Variants in PTPRK observed in about 807,000 individuals in gnomAD.
PTPRK encodes protein tyrosine phosphatase receptor type K.
Under a neutral mutation model 178.0 loss-of-function variants are expected in PTPRK, and 75 were observed. That is an observed-to-expected ratio of 0.42 (90% CI 0.35 to 0.51). The LOEUF (loss-of-function observed/expected upper bound fraction) is 0.51, where lower values mean the gene tolerates loss of function less well. PTPRK is among the 20% of genes least tolerant of loss of function. The pLI is 0.02. For missense variants in PTPRK, 1,441 were observed against 1,797.8 expected, an observed-to-expected ratio of 0.80 and a Z score of 3.59; for synonymous variants, 637 against 620.6, an observed-to-expected ratio of 1.03 and a Z score of -0.39.
intron 8 of PTPRK, among the ~76,000 whole-genome samples, chr6:128,084,540 C>T (rs536447419): frequency 3.8e-4 from 58 of 152,252 alleles, no homozygotes; most frequent in Admixed American, 2.6e-3. Context: ...ACGATCTGCA[C>T]AACTACTTTG....
chr6:128,193,426 C>A (rs139847249), intron 6 of PTPRK, among the ~76,000 whole-genome samples: 2 of 151,358 alleles, frequency 1.3e-5, no homozygotes, highest in East Asian at 1.9e-4. Context: ...AAAACTAATT[C>A]GAATACACAA....
intron 2 of PTPRK, among the ~76,000 whole-genome samples, chr6:128,348,355 ATCCACCATCTCTAGT>A (rs1832690355): frequency 3.9e-5 from 6 of 151,994 alleles, no homozygotes; most frequent in Admixed American, 3.9e-4. Flanking sequence ...TGAACTCAGT[ATCCACCATCTCTAGT>A]CCAATAAAAA....
intron 2 of PTPRK, among the ~76,000 whole-genome samples, chr6:128,391,469 G>A (rs184714984): frequency 1.3e-5 from 2 of 152,232 alleles, no homozygotes; most frequent in African/African-American, 2.4e-5. Context: ...AATATTGCAA[G>A]CTAATATTCA....
chr6:128,392,284 C>T (rs939561180), intron 2 of PTPRK, among the ~76,000 whole-genome samples: 1 of 152,072 alleles, frequency 6.6e-6, no homozygotes, highest in Non-Finnish European at 1.5e-5. Context: ...ACTATATATA[C>T]AGTGTGTGCA....
chr6:128,008,181 G>T, intron 14 of PTPRK: 1 of 634,422 alleles, frequency 1.6e-6, no homozygotes, highest in South Asian at 1.7e-5. Context: ...TAATGTTAAT[G>T]CTTTATTTCA....
intron 2 of PTPRK, among the ~76,000 whole-genome samples, chr6:128,326,929 A>G (rs532448370): frequency 6.6e-6 from 1 of 152,114 alleles, no homozygotes; most frequent in Non-Finnish European, 1.5e-5. Flanking sequence ...CGTGTTTTTT[A>G]AATCTTTTAA....
At chr6:128,495,231 G>A (rs2128433090) in intron 1 of PTPRK, among the ~76,000 whole-genome samples, 1 of 152,228 alleles carries the variant, frequency 6.6e-6, no homozygotes, top group Admixed American at 6.5e-5. Flanking sequence ...AATATAGAAA[G>A]GTGCCTGGGG....
chr6:128,461,932 C>T (rs1032576904), intron 1 of PTPRK, among the ~76,000 whole-genome samples: 2 of 152,206 alleles, frequency 1.3e-5, no homozygotes, highest in Non-Finnish European at 2.9e-5. Flanking sequence ...AATATTACAT[C>T]TAACATTTTC....
intron 25 of PTPRK, among the ~76,000 whole-genome samples, chr6:127,980,224 C>T (rs1483191350): frequency 2.6e-5 from 4 of 152,170 alleles, no homozygotes; most frequent in East Asian, 1.9e-4. Flanking sequence ...GCAGGAGAAT[C>T]GCTTGAACCT....
At chr6:128,325,588 A>G (rs1427722210) in intron 2 of PTPRK, among the ~76,000 whole-genome samples, 1 of 152,234 alleles carries the variant, frequency 6.6e-6, no homozygotes, top group Non-Finnish European at 1.5e-5. Context: ...ATCACTGGTC[A>G]TTAGAGAAAT....
intron 2 of PTPRK, among the ~76,000 whole-genome samples, chr6:128,341,537 A>AT (rs1334572674): frequency 2.6e-5 from 4 of 152,186 alleles, no homozygotes; most frequent in Non-Finnish European, 5.9e-5. Context: ...CATAATTTTA[A>AT]TTTTTCTGAA....
At chr6:128,055,830 G>T (rs555585499) in intron 13 of PTPRK, among the ~76,000 whole-genome samples, 4 of 152,138 alleles carry the variant, frequency 2.6e-5, no homozygotes, top group Admixed American at 2.6e-4. Flanking sequence ...TCAAACTCCT[G>T]GCTTGAAGGG....
chr6:128,184,953 A>T (rs1802517600), intron 6 of PTPRK, among the ~76,000 whole-genome samples: 2 of 151,964 alleles, frequency 1.3e-5, no homozygotes, highest in Admixed American at 6.6e-5. Flanking sequence ...TTAAAAACAC[A>T]TTTTTTTTCA....
At chr6:127,977,961 C>T (rs1413483684) in intron 25 of PTPRK, among the ~76,000 whole-genome samples, 7 of 152,138 alleles carry the variant, frequency 4.6e-5, no homozygotes, top group African/African-American at 1.7e-4. Flanking sequence ...GATCTTGTAA[C>T]TCATTTGTAT....
At chr6:128,297,584 C>T (rs1017160955) in intron 3 of PTPRK, among the ~76,000 whole-genome samples, 19 of 152,206 alleles carry the variant, frequency 1.2e-4, no homozygotes, top group Admixed American at 1.2e-3. Context: ...CTTAAAATCG[C>T]TCAACTACAT....
intron 7 of PTPRK, among the ~76,000 whole-genome samples, chr6:128,148,264 T>G (rs1562674567): frequency 6.6e-6 from 1 of 152,120 alleles, no homozygotes; most frequent in Non-Finnish European, 1.5e-5. Context: ...ACATTTTACT[T>G]AAGTAGGTAG....
intron 8 of PTPRK, 101 bp from the exon 9 acceptor site, chr6:128,083,925 G>A: frequency 2.0e-6 from 1 of 512,530 alleles, no homozygotes; most frequent in South Asian, 6.9e-5. Flanking sequence ...TAAATATAAA[G>A]AAAAATAAAT....
chr6:128,208,815 C>T (rs1453710802), intron 6 of PTPRK, among the ~76,000 whole-genome samples: 1 of 152,120 alleles, frequency 6.6e-6, no homozygotes, highest in East Asian at 1.9e-4. Flanking sequence ...TAGTTTAAGG[C>T]TTACCCACAT....
At chr6:128,240,591 C>A (rs1814237509) in intron 4 of PTPRK, among the ~76,000 whole-genome samples, 1 of 152,068 alleles carries the variant, frequency 6.6e-6, no homozygotes, top group Non-Finnish European at 1.5e-5. Flanking sequence ...GGCCATTGAA[C>A]TTATTAGGCT....
Sources: gnomAD v4.1 joint callset for allele counts (sites outside exome capture counted in the v4.1 genomes callset) on GRCh38, gnomAD v4.1.1 for gene constraint, MANE v1.5 for transcripts, NCBI Gene and HGNC (gene_info 2026-07-23, HGNC 2026-07-21) for gene names.